The following SLC36A4 variants were observed in gnomAD, a reference collection of about 807,000 sequenced individuals.
The protein encoded by SLC36A4 is neutral amino acid uniporter 4.
In SLC36A4, 49 loss-of-function variants were observed where a neutral mutation model predicts 50.5. That is an observed-to-expected ratio of 0.97 (90% CI 0.77 to 1.23). SLC36A4 has a LOEUF of 1.23. SLC36A4 is among the 50% of genes most tolerant of loss of function. The pLI is 0.00. For missense variants in SLC36A4, 611 were observed against 608.4 expected, an observed-to-expected ratio of 1.00 and a Z score of -0.05; for synonymous variants, 207 against 206.5, an observed-to-expected ratio of 1.00 and a Z score of -0.02.
rs1417507825 is a variant in SLC36A4 at position 93,181,700 on chromosome 11, G to C, written c.446C>G (p.Ala149Gly). ...SPWSCLQKQA[A>G]WGRSVVDFFL... ...CAGAGTAAGTACTTACCGCCCCCATGCTGCTTGCTTCTGAAGACAACTCCA... is the reference window on the plus strand; with the variant it reads ...CAGAGTAAGTACTTACCGCCCCCATCCTGCTTGCTTCTGAAGACAACTCCA... The change falls in exon 5 of 11, where the codon GCA becomes GGA. Residue 149 changes from alanine (A) to glycine (G), a missense_variant. Ala to Gly is a moderately conservative substitution (Grantham distance 60). Transcript: ENST00000326402. 1.3e-6 allele frequency: 2 copies of C among 1,532,224 alleles called. No homozygotes were observed. Among genetic ancestry groups the C allele is most frequent in the Non-Finnish European group, 1.8e-6 (2 of 1,134,818 alleles). 94.9% of individuals were successfully genotyped at this position (1,532,224 alleles called of 1,614,324 possible). A position where few individuals can be genotyped will look rare whatever the true frequency, so the allele number is the denominator to read the frequency against.
intron 5 of SLC36A4, among the ~76,000 whole-genome samples, chr11:93,181,438 T>C (rs1861727468): frequency 6.6e-6 from 1 of 152,078 alleles, no homozygotes; most frequent in Non-Finnish European, 1.5e-5. Flanking sequence ...ATAATGATCC[T>C]GTGAAATGGG....
chr11:93,191,468 G>A (rs768015487), intron 1 of SLC36A4, among the ~76,000 whole-genome samples: 1 of 152,156 alleles, frequency 6.6e-6, no homozygotes, highest in Non-Finnish European at 1.5e-5. Flanking sequence ...CGAGAATCGC[G>A]TCCCTTTCCT....
chr11:93,148,830 G>A lies in SLC36A4; in HGVS notation c.1222C>T (p.Leu408Phe), dbSNP rs760902130. 1 of 1,608,274 alleles carries A rather than the reference G, an allele frequency of 6.2e-7. No individual in the cohort carries two copies. The highest frequency in any genetic ancestry group is 8.5e-7 in the Non-Finnish European group (1 of 1,178,208). ...LVSITCAGAI[L>F]IPRLDIVISF... is the part of the protein sequence containing the mutation. The stretch of plus-strand genomic sequence containing the variant: ...ATCACAATGTCTAAACGAGGAATAA[G>A]AATTGCTCCGGCACCTAGAAAATGA... Residue 408 changes from leucine to phenylalanine, a missense_variant, in exon 11 of 11, where the codon CTT (leucine) becomes TTT (phenylalanine). Leu to Phe is a conservative substitution (Grantham distance 22). Transcript: ENST00000326402.
intron 6 of SLC36A4, among the ~76,000 whole-genome samples, chr11:93,175,099 C>T (rs1861393293): frequency 6.6e-6 from 1 of 151,790 alleles, no homozygotes; most frequent in Non-Finnish European, 1.5e-5. Context: ...GGTTGGTAAA[C>T]TATTGATTAT....
At chr11:93,192,250 T>A (rs946404712) in intron 1 of SLC36A4, among the ~76,000 whole-genome samples, 1 of 151,494 alleles carries the variant, frequency 6.6e-6, no homozygotes, top group Non-Finnish European at 1.5e-5. Context: ...GGAGCAGGAG[T>A]GAGCAGCGTG....
chr11:93,197,505 GC>G, intron 1 of SLC36A4: 1 of 517,278 alleles, frequency 1.9e-6, no homozygotes, highest in Non-Finnish European at 3.4e-6. Flanking sequence ...TACCCACAGG[GC>G]CCCGCCCCAC....
intron 3 of SLC36A4, among the ~76,000 whole-genome samples, chr11:93,183,753 A>G (rs1172401138): frequency 6.6e-6 from 1 of 151,208 alleles, no homozygotes. Context: ...GCTGGAGTGC[A>G]GTGGCGCAAT....
intron 10 of SLC36A4, chr11:93,152,616 T>G (rs537262472): frequency 3.9e-5 from 6 of 152,244 alleles, no homozygotes; most frequent in Non-Finnish European, 7.4e-5. Flanking sequence ...AACAAACTCA[T>G]GGAAGCAGAT....
chr11:93,171,899 A>G (rs1223780430), intron 6 of SLC36A4: 2 of 152,164 alleles, frequency 1.3e-5, no homozygotes, highest in Admixed American at 6.5e-5. Flanking sequence ...TTTGATAAAC[A>G]AAAGAATATA....
intron 2 of SLC36A4, among the ~76,000 whole-genome samples, chr11:93,184,795 A>C (rs1490050715): frequency 6.6e-6 from 1 of 152,190 alleles, no homozygotes; most frequent in Admixed American, 6.5e-5. Context: ...AAAAAGACTA[A>C]AGGCATTCTC....
chr11:93,175,834 C>A (rs1248862712), intron 6 of SLC36A4, among the ~76,000 whole-genome samples: 139 of 55,268 alleles, frequency 2.5e-3, no homozygotes, highest in African/African-American at 8.6e-3. Flanking sequence ...AATTTCTGTT[C>A]TTTTACATTT....
intron 8 of SLC36A4, among the ~76,000 whole-genome samples, chr11:93,165,595 T>C (rs1860824076): frequency 6.6e-6 from 1 of 152,158 alleles, no homozygotes; most frequent in Non-Finnish European, 1.5e-5. Context: ...AGGTGATGTT[T>C]ACATAGTTCA....
In SLC36A4 at chr11:93,144,910, AT is replaced by A. The variant is rs1385960077; in HGVS notation, c.*3626del. ...TTCTGTATGTTAACCAAATTATTTT[AT>A]TCCTCAACAGATGGTATTGAGCCAC... On this transcript the variant is annotated 3_prime_UTR_variant, in exon 11 of 11. Transcript: ENST00000326402. 6.6e-6 allele frequency: 1 copy of A among 152,028 alleles called. No individual in the cohort carries two copies. The allele number at this position is 152,028 out of a possible 1,614,324, so 9.4% of individuals were successfully genotyped here. A position where few individuals can be genotyped will look rare whatever the true frequency, so the allele number is the denominator to read the frequency against.
intron 1 of SLC36A4, among the ~76,000 whole-genome samples, chr11:93,189,295 C>G (rs1264743954): frequency 3.3e-5 from 5 of 152,070 alleles, no homozygotes; most frequent in Non-Finnish European, 4.4e-5. Context: ...AACTCCTAAC[C>G]TCAGGTGCCT....
At chr11:93,191,351 C>T (rs1028532928) in intron 1 of SLC36A4, among the ~76,000 whole-genome samples, 5 of 152,144 alleles carry the variant, frequency 3.3e-5, no homozygotes, top group African/African-American at 4.8e-5. Context: ...AATACAATTG[C>T]GTGCTTGAGA....
intron 1 of SLC36A4, among the ~76,000 whole-genome samples, chr11:93,192,440 T>C (rs942470302): frequency 6.6e-6 from 1 of 152,116 alleles, no homozygotes; most frequent in Non-Finnish European, 1.5e-5. Flanking sequence ...GCACATAGCC[T>C]TGTAGACCAT....
Position 93,162,910 on chromosome 11 carries a change from A to G in SLC36A4, c.868-35T>C, listed in dbSNP as rs375628767. 127 of 1,580,774 alleles carry G rather than the reference A, an allele frequency of 8.0e-5. No homozygotes were observed. The African/African-American group carries it at 1.5e-3, about 18-fold the overall frequency. ...GAATACAATACTTTTTTTTAAGGGAATACAAGTATTTAAAAATAACAGTGT... is the reference window on the plus strand; with the variant it reads ...GAATACAATACTTTTTTTTAAGGGAGTACAAGTATTTAAAAATAACAGTGT... On this transcript the variant is annotated intron_variant, in intron 8 of 10. Transcript: ENST00000326402.
intron 2 of SLC36A4, chr11:93,185,250 A>T (rs1456691560): frequency 6.5e-6 from 1 of 152,794 alleles, no homozygotes; most frequent in African/African-American, 2.4e-5. Flanking sequence ...GATCAATTGC[A>T]TATTACTTTG....
At chr11:93,191,157 T>C (rs1244098864) in intron 1 of SLC36A4, among the ~76,000 whole-genome samples, 5 of 152,244 alleles carry the variant, frequency 3.3e-5, no homozygotes, top group African/African-American at 1.2e-4. Context: ...ACTAGTCATT[T>C]ATAACTTTTA....
Sources: allele counts gnomAD v4.1 joint callset (sites outside exome capture counted in the v4.1 genomes callset), GRCh38; gene constraint gnomAD v4.1.1; transcripts MANE v1.5; gene names NCBI Gene and HGNC (gene_info 2026-07-23, HGNC 2026-07-21).